The following LAMA1 variants were observed in gnomAD, a reference collection of about 807,000 sequenced individuals.
LAMA1 encodes laminin subunit alpha-1.
A neutral mutation model predicts 348.7 loss-of-function variants in LAMA1; 219 were observed. That is an observed-to-expected ratio of 0.63 (90% CI 0.56 to 0.70). The LOEUF (loss-of-function observed/expected upper bound fraction) is 0.70. Among genes scored for constraint, LAMA1 ranks in the 30% least tolerant of loss-of-function variants. The pLI is 0.00. For synonymous variants in LAMA1, 1,487 were observed against 1,491.0 expected, an observed-to-expected ratio of 1.00 and a Z score of 0.06; for missense variants, 3,744 against 3,888.0, an observed-to-expected ratio of 0.96 and a Z score of 0.99.
rs116604254 is a variant in LAMA1, at chr18:7,025,321, G to A, written c.2402+658C>T. Reference sequence around the variant, plus strand: ...CCAGCTCCATCTGCCTAGAACGCCCGTCTATGCTGCCTGTGAAACTCCTTC... The same window carrying A: ...CCAGCTCCATCTGCCTAGAACGCCCATCTATGCTGCCTGTGAAACTCCTTC... On this transcript the variant is annotated intron_variant, in intron 17 of 62. Transcript: ENST00000389658. Among the ~76,000 whole-genome samples, 1,122 of 152,266 alleles carry A rather than the reference G, an allele frequency of 7.4e-3. 6 individuals are homozygous for A. Among genetic ancestry groups the A allele is most frequent in the Non-Finnish European group, 0.011 (733 of 68,018 alleles).
At chr18:7,087,202 G>C (rs1193611634) in intron 1 of LAMA1, among the ~76,000 whole-genome samples, 2 of 152,192 alleles carry the variant, frequency 1.3e-5, no homozygotes, top group Admixed American at 1.3e-4. Flanking sequence ...AACAAGTCCT[G>C]GTTGAGGTAT....
chr18:7,030,344 G>C (rs557028727), intron 16 of LAMA1, among the ~76,000 whole-genome samples: 82 of 152,300 alleles, frequency 5.4e-4, no homozygotes, highest in Admixed American at 1.8e-3. Flanking sequence ...AAGTGTCATA[G>C]TCATGAAGGA....
At chr18:7,079,911 G>A (rs1190566725) in intron 3 of LAMA1, 64 bp downstream of exon 3, 4 of 1,156,010 alleles carry the variant, frequency 3.5e-6, no homozygotes, top group East Asian at 4.7e-5. Context: ...CTTTCCCAAA[G>A]GTCATCAGAA....
chr18:6,956,448 G>A (rs2057578520), intron 56 of LAMA1, 188 bp downstream of exon 56: 1 of 871,632 alleles, frequency 1.1e-6, no homozygotes, highest in Non-Finnish European at 1.9e-6. Context: ...ATTGGGCCGT[G>A]TCATCTGAGT....
In LAMA1 at chr18:7,050,874, A is replaced by T; in HGVS notation, c.408T>A (p.Ile136=). The change falls in exon 4 of 63, where the codon ATT becomes ATA. Residue 136 remains isoleucine (I), a synonymous_variant. Coordinates refer to ENST00000389658, the MANE Select transcript of LAMA1 (RefSeq NM_005559.4). ...AANAPRPGNW[I]LERSLDGTTF... ...TGGTGCCATCCAGAGAACGCTCCAA[A>T]ATCCAGTTTCCAGGTCGAGGGGCAT... The T allele has an allele frequency of 6.2e-7, 1 of 1,614,180 alleles. No homozygotes were observed. The highest frequency in any genetic ancestry group is 8.5e-7 in the Non-Finnish European group (1 of 1,180,038).
rs942565945 is a variant in LAMA1, at chr18:6,999,351, A to G, written c.4663+94T>C. ...AATGAAAATAAAATAGGATGTTTTTATTCTGCAGACACTTTAGCGTGCCGT... is the reference window on the plus strand; with the variant it reads ...AATGAAAATAAAATAGGATGTTTTTGTTCTGCAGACACTTTAGCGTGCCGT... On this transcript the variant is annotated intron_variant, in intron 32 of 62. Coordinates refer to ENST00000389658, the MANE Select transcript of LAMA1 (RefSeq NM_005559.4). 5.7e-6 allele frequency: 7 copies of G among 1,221,118 alleles called. No individual in the cohort carries two copies. The African/African-American group carries it at 7.5e-5, about 13-fold the overall frequency. The allele number at this position is 1,221,118 out of a possible 1,614,324, so 75.6% of individuals were successfully genotyped here.
At chr18:7,032,445 T>C (rs1244752429) in intron 15 of LAMA1, among the ~76,000 whole-genome samples, 1 of 152,240 alleles carries the variant, frequency 6.6e-6, no homozygotes, top group African/African-American at 2.4e-5. Context: ...CAATGAGTCT[T>C]ACGGCCTATT....
intron 1 of LAMA1, among the ~76,000 whole-genome samples, chr18:7,090,756 C>T (rs1056511947): frequency 1.3e-5 from 2 of 151,904 alleles, no homozygotes; most frequent in Non-Finnish European, 2.9e-5. Flanking sequence ...ATAAAGACCC[C>T]ATACAAACAG....
intron 19 of LAMA1, among the ~76,000 whole-genome samples, chr18:7,018,398 T>TC (rs1235051735): frequency 7.1e-6 from 1 of 140,954 alleles, no homozygotes; most frequent in Non-Finnish European, 1.5e-5. Context: ...TTCCAGGTAC[T>TC]CTTTTTTTTT....
At chr18:7,090,781 A>G (rs146399630) in intron 1 of LAMA1, among the ~76,000 whole-genome samples, 2 of 152,282 alleles carry the variant, frequency 1.3e-5, no homozygotes, top group East Asian at 3.9e-4. Context: ...AGAAAAGTCA[A>G]ATCCAAACTC....
intron 3 of LAMA1, among the ~76,000 whole-genome samples, chr18:7,052,707 A>T (rs2058066730): frequency 6.6e-6 from 1 of 151,876 alleles, no homozygotes; most frequent in Non-Finnish European, 1.5e-5. Flanking sequence ...AGCCTGGGCA[A>T]CAAGAGAGAA....
At chr18:7,002,451 T>C in intron 29 of LAMA1, 66 bp from the exon 30 acceptor site, 1 of 1,564,128 alleles carries the variant, frequency 6.4e-7, no homozygotes, top group Non-Finnish European at 8.8e-7. Context: ...TCTTATCTGG[T>C]AATAGCTAAG....
rs141900790 is a variant in LAMA1 at position 6,981,881 on chromosome 18, A to G, written c.5890+616T>C. ...CACATTATTTGTTATAAAAAATTGT[A>G]GGCCTACGTAGTTTCTCTTACATAA... is the stretch of plus-strand genomic sequence containing the variant. On this transcript the variant is annotated intron_variant, in intron 41 of 62. Transcript: ENST00000389658. 2.6e-5 allele frequency among the ~76,000 whole-genome samples: 4 copies of G among 152,340 alleles called. No homozygotes were observed. In the East Asian group the frequency reaches 7.7e-4, roughly 29 times the overall value.
At chr18:7,106,520 C>T (rs2058312458) in intron 1 of LAMA1, among the ~76,000 whole-genome samples, 1 of 151,986 alleles carries the variant, frequency 6.6e-6, no homozygotes. Context: ...CCACCACTCC[C>T]AGCTAATTTT....
intron 55 of LAMA1, among the ~76,000 whole-genome samples, chr18:6,957,906 G>T (rs773644392): frequency 3.3e-5 from 5 of 152,048 alleles, no homozygotes; most frequent in Non-Finnish European, 7.4e-5. Context: ...TCAGCCTCCG[G>T]AGTAGCTGGG....
At chr18:7,088,637 C>T (rs2058227201) in intron 1 of LAMA1, among the ~76,000 whole-genome samples, 1 of 152,058 alleles carries the variant, frequency 6.6e-6, no homozygotes, top group African/African-American at 2.4e-5. Flanking sequence ...CCTACCTCAG[C>T]CTCCCGAGTA....
At chr18:7,046,889 TA>T (rs2058043780) in intron 5 of LAMA1, among the ~76,000 whole-genome samples, 1 of 152,214 alleles carries the variant, frequency 6.6e-6, no homozygotes, top group African/African-American at 2.4e-5. Context: ...TGCTAGTGAC[TA>T]AAAATGTGAT....
intron 16 of LAMA1, among the ~76,000 whole-genome samples, chr18:7,029,727 T>C (rs17442186): frequency 0.12 from 18,811 of 152,162 alleles, 1,482 homozygotes; most frequent in South Asian, 0.19. Context: ...ACATGCACAA[T>C]TTACTGTGAT....
chr18:7,044,922 T>A (rs2058035968), intron 6 of LAMA1, 83 bp from the exon 7 acceptor site: 9 of 1,041,976 alleles, frequency 8.6e-6, no homozygotes, highest in African/African-American at 1.6e-5. Context: ...AACCTATCTG[T>A]CAAATATGTG....
Sources: gnomAD v4.1 joint callset for allele counts (sites outside exome capture counted in the v4.1 genomes callset) on GRCh38, gnomAD v4.1.1 for gene constraint, MANE v1.5 for transcripts, NCBI Gene and HGNC (gene_info 2026-07-23, HGNC 2026-07-21) for gene names.